The following PSEN1 variants were observed in gnomAD, a reference collection of about 807,000 sequenced individuals.
PSEN1 encodes presenilin-1.
In PSEN1, 15 loss-of-function variants were observed where a neutral mutation model predicts 53.5. The ratio of observed to expected loss-of-function variants is 0.28; its 90% CI spans 0.19 to 0.43. The LOEUF (loss-of-function observed/expected upper bound fraction) is 0.43. Ranked by LOEUF, PSEN1 falls within the 20% of genes least tolerant of loss-of-function variation. PSEN1 has a pLI of 1.00. For missense variants in PSEN1, 387 were observed against 571.2 expected, an observed-to-expected ratio of 0.68 and a Z score of 3.29; for synonymous variants, 208 against 209.8, an observed-to-expected ratio of 0.99 and a Z score of 0.08.
At chr14:73,179,990 TA>T (rs1370584506) in intron 5 of PSEN1, among the ~76,000 whole-genome samples, 5 of 150,878 alleles carry the variant, frequency 3.3e-5, no homozygotes, top group African/African-American at 1.2e-4. Context: ...CATTTTATTT[TA>T]TTTTTTTTTT....
At chr14:73,167,242 C>T (rs1459816061) in intron 3 of PSEN1, among the ~76,000 whole-genome samples, 1 of 152,120 alleles carries the variant, frequency 6.6e-6, no homozygotes, top group Non-Finnish European at 1.5e-5. Flanking sequence ...TAACCTACTC[C>T]TGTGATAACG....
intron 7 of PSEN1, among the ~76,000 whole-genome samples, chr14:73,194,630 G>T (rs1260096960): frequency 2.1e-5 from 3 of 145,778 alleles, no homozygotes; most frequent in Non-Finnish European, 4.5e-5. Context: ...GTGCAGTGGC[G>T]TGATCTTGGC....
intron 10 of PSEN1, among the ~76,000 whole-genome samples, chr14:73,213,806 T>G (rs932903601): frequency 3.9e-5 from 6 of 152,306 alleles, no homozygotes; most frequent in African/African-American, 1.4e-4. Context: ...CACTTCATAC[T>G]CACTAGATTG....
At chr14:73,164,568 A>G (rs1897650979) in intron 3 of PSEN1, among the ~76,000 whole-genome samples, 1 of 152,184 alleles carries the variant, frequency 6.6e-6, no homozygotes, top group Admixed American at 6.5e-5. Context: ...TTTTATCACC[A>G]TTTTACAGAT....
At chr14:73,156,200 A>G (rs1897349006) in intron 3 of PSEN1, among the ~76,000 whole-genome samples, 1 of 151,822 alleles carries the variant, frequency 6.6e-6, no homozygotes, top group African/African-American at 2.4e-5. Flanking sequence ...AATAATACTA[A>G]TAGTAATTAA....
chr14:73,193,549 CAAAA>C (rs372716222), intron 7 of PSEN1, among the ~76,000 whole-genome samples: 1 of 93,354 alleles, frequency 1.1e-5, no homozygotes. Context: ...GACTCTGTCT[CAAAA>C]AAAAAAAAAA....
intron 8 of PSEN1, among the ~76,000 whole-genome samples, chr14:73,199,474 T>C (rs1353263731): frequency 6.6e-6 from 1 of 152,232 alleles, no homozygotes; most frequent in Non-Finnish European, 1.5e-5. Flanking sequence ...AATGGCTGCA[T>C]AGTGTTCTCT....
At chr14:73,194,718 G>A (rs1898870422) in intron 7 of PSEN1, among the ~76,000 whole-genome samples, 1 of 151,912 alleles carries the variant, frequency 6.6e-6, no homozygotes, top group South Asian at 2.1e-4. Context: ...ACAGGCATCT[G>A]CCACCACGCC....
chr14:73,195,877 G>T (rs566176713), intron 7 of PSEN1, among the ~76,000 whole-genome samples: 1 of 152,294 alleles, frequency 6.6e-6, no homozygotes, highest in African/African-American at 2.4e-5. Flanking sequence ...CTGTTTTACT[G>T]CTAAGAAACT....
intron 1 of PSEN1, among the ~76,000 whole-genome samples, chr14:73,142,022 G>A (rs576249794): frequency 1.3e-4 from 20 of 151,222 alleles, no homozygotes; most frequent in Non-Finnish European, 2.8e-4. Context: ...AGCTGAGATT[G>A]TGCCACTGCA....
chr14:73,143,713 T>A (rs1325159607), intron 1 of PSEN1, among the ~76,000 whole-genome samples: 2 of 152,132 alleles, frequency 1.3e-5, no homozygotes, highest in African/African-American at 4.8e-5. Flanking sequence ...AAATGGAAAC[T>A]ACTTCTTTTA....
intron 3 of PSEN1, among the ~76,000 whole-genome samples, chr14:73,151,661 G>C (rs1201960828): frequency 6.6e-6 from 1 of 151,656 alleles, no homozygotes; most frequent in African/African-American, 2.4e-5. Flanking sequence ...AGACCAGGGT[G>C]GTCTCAAGTG....
intron 5 of PSEN1, among the ~76,000 whole-genome samples, chr14:73,185,460 C>A (rs962580909): frequency 6.6e-6 from 1 of 152,288 alleles, no homozygotes; most frequent in Middle Eastern, 3.4e-3. Context: ...TCAGGCGTGG[C>A]GGCGTGAGTC....
At chr14:73,145,686 A>T (rs139964536) in intron 1 of PSEN1, among the ~76,000 whole-genome samples, 2 of 152,342 alleles carry the variant, frequency 1.3e-5, no homozygotes, top group Non-Finnish European at 2.9e-5. Flanking sequence ...TTGTATGGAT[A>T]CTCAAAAAGT....
intron 3 of PSEN1, among the ~76,000 whole-genome samples, chr14:73,157,821 A>G (rs961677824): frequency 1.3e-5 from 2 of 152,006 alleles, no homozygotes; most frequent in Admixed American, 1.3e-4. Flanking sequence ...CCCCTTCTCT[A>G]TTAAAAATGC....
At chr14:73,159,129 C>G (rs1222984580) in intron 3 of PSEN1, among the ~76,000 whole-genome samples, 1 of 151,186 alleles carries the variant, frequency 6.6e-6, no homozygotes, top group Non-Finnish European at 1.5e-5. Flanking sequence ...CAAGTGTTTT[C>G]TCCCAGACTG....
At chr14:73,187,138 A>C (rs987820959) in intron 6 of PSEN1, among the ~76,000 whole-genome samples, 14 of 152,252 alleles carry the variant, frequency 9.2e-5, no homozygotes, top group African/African-American at 3.4e-4. Context: ...AAAGAACTTA[A>C]GACTACAGTT....
intron 7 of PSEN1, among the ~76,000 whole-genome samples, chr14:73,194,461 G>A (rs1260912277): frequency 6.6e-6 from 1 of 151,680 alleles, no homozygotes; most frequent in East Asian, 1.9e-4. Context: ...AGATCTCACT[G>A]TGTTTCCCAG....
intron 1 of PSEN1, among the ~76,000 whole-genome samples, chr14:73,145,775 G>A (rs935424631): frequency 2.0e-5 from 3 of 152,108 alleles, no homozygotes; most frequent in Non-Finnish European, 2.9e-5. Flanking sequence ...ATCAGGGACC[G>A]TCTGTATTGT....
Sources: allele counts gnomAD v4.1 joint callset (sites outside exome capture counted in the v4.1 genomes callset), GRCh38; gene constraint gnomAD v4.1.1; transcripts MANE v1.5; gene names NCBI Gene and HGNC (gene_info 2026-07-23, HGNC 2026-07-21).